RBFOX1: variants seen among roughly 807,000 people sequenced by gnomAD.
RBFOX1 encodes RNA binding fox-1 homolog 1.
In RBFOX1, 8 loss-of-function variants were observed where a neutral mutation model predicts 57.7. That is an observed-to-expected ratio of 0.14 (90% confidence interval 0.08 to 0.25). RBFOX1 has a LOEUF of 0.25. RBFOX1 is among the 10% of genes least tolerant of loss of function. The pLI is 1.00. For missense variants in RBFOX1, 611 were observed against 548.5 expected, an observed-to-expected ratio of 1.11 and a Z score of -1.14; for synonymous variants, 326 against 222.4, an observed-to-expected ratio of 1.47 and a Z score of -4.15.
At chr16:7,281,273 G>A (rs990574885) in intron 4 of RBFOX1, among the ~76,000 whole-genome samples, 4 of 151,736 alleles carry the variant, frequency 2.6e-5, no homozygotes, top group African/African-American at 9.7e-5. Context: ...ACAGTGTTGG[G>A]ACTACAGGCG....
At chr16:7,262,868 G>C (rs539295265) in intron 4 of RBFOX1, among the ~76,000 whole-genome samples, 3 of 152,374 alleles carry the variant, frequency 2.0e-5, no homozygotes, top group Non-Finnish European at 2.9e-5. Context: ...GATAGGACAA[G>C]AGAGAAAACT....
chr16:6,221,832 A>T (rs1196888086), intron 1 of RBFOX1, among the ~76,000 whole-genome samples: 3 of 152,272 alleles, frequency 2.0e-5, no homozygotes, highest in South Asian at 4.1e-4. Context: ...AGTATGGGGG[A>T]AACTGCCCCC....
chr16:6,238,329 A>T (rs2097522383), intron 1 of RBFOX1, among the ~76,000 whole-genome samples: 1 of 152,114 alleles, frequency 6.6e-6, no homozygotes, highest in Admixed American at 6.6e-5. Flanking sequence ...TTTGCCCTTA[A>T]TCCAGGAACC....
chr16:5,945,393 G>A (rs2059381213), intron 4 of RBFOX1, among the ~76,000 whole-genome samples: 1 of 152,200 alleles, frequency 6.6e-6, no homozygotes, highest in Non-Finnish European at 1.5e-5. Flanking sequence ...ATGGTATTCT[G>A]CTGCTGCTGG....
intron 4 of RBFOX1, among the ~76,000 whole-genome samples, chr16:7,082,919 G>T (rs2059421618): frequency 6.6e-6 from 1 of 152,156 alleles, no homozygotes; most frequent in South Asian, 2.1e-4. Flanking sequence ...TTGACAACAA[G>T]AGTTGTAAAT....
chr16:7,320,078 A>C (rs2096518387), intron 4 of RBFOX1, among the ~76,000 whole-genome samples: 1 of 152,170 alleles, frequency 6.6e-6, no homozygotes, highest in African/African-American at 2.4e-5. Context: ...TAAAAAAATT[A>C]ATTTTATTGT....
intron 3 of RBFOX1, among the ~76,000 whole-genome samples, chr16:5,777,874 A>G (rs2054196968): frequency 6.6e-6 from 1 of 152,244 alleles, no homozygotes; most frequent in Non-Finnish European, 1.5e-5. Context: ...AACCACGATC[A>G]TAAGTAGGCA....
chr16:7,567,471 ATCCCTATGTATG>A (rs2092094708), intron 5 of RBFOX1, among the ~76,000 whole-genome samples: 4 of 54,520 alleles, frequency 7.3e-5, no homozygotes, highest in Non-Finnish European at 1.8e-4. Context: ...CTATATATAT[ATCCCTATGTATG>A]GCCCTATATG....
intron 2 of RBFOX1, among the ~76,000 whole-genome samples, chr16:5,472,609 A>C (rs1156564368): frequency 6.6e-6 from 1 of 152,116 alleles, no homozygotes; most frequent in Non-Finnish European, 1.5e-5. Flanking sequence ...ATTATTTCTT[A>C]GAGTGATTTC....
In RBFOX1 at chr16:5,486,630, C is replaced by T. The variant is rs529985410; in HGVS notation, c.258+19376C>T. On this transcript the variant is annotated intron_variant, in intron 2 of 2. Transcript: ENST00000585867. ...ACATGCCAGAACATCTCTTTCTTCC[C>T]CCATTAGCTTGACTTGTCCATCAGG... 1.3e-3 allele frequency among the ~76,000 whole-genome samples: 192 copies of T among 152,208 alleles called. 1 individual carries two copies. Among genetic ancestry groups the T allele is most frequent in the African/African-American group, 4.5e-3 (186 of 41,522 alleles).
rs2083957798 is a variant in RBFOX1, at chr16:7,711,223, GA to G, written c.*481del. The stretch of plus-strand genomic sequence containing the variant: ...AGGGGATTGGAACTGGGGTTTGGCT[GA>G]AAGAAAAAAAAAAAAATGTAACTGA... On this transcript the variant is annotated 3_prime_UTR_variant, in exon 16 of 16. Coordinates refer to ENST00000550418, the MANE Select transcript of RBFOX1 (RefSeq NM_018723.4). 8.8e-6 allele frequency: 1 copy of G among 113,108 alleles called. No homozygotes were observed. The highest frequency in any genetic ancestry group is 2.0e-5 in the Non-Finnish European group (1 of 50,460). 7.0% of individuals were successfully genotyped at this position (113,108 alleles called of 1,614,324 possible).
At chr16:7,454,748 C>A (rs890711802) in intron 4 of RBFOX1, among the ~76,000 whole-genome samples, 1 of 152,190 alleles carries the variant, frequency 6.6e-6, no homozygotes, top group African/African-American at 2.4e-5. Flanking sequence ...TACATTTCTA[C>A]CATGAACATG....
intron 3 of RBFOX1, among the ~76,000 whole-genome samples, chr16:6,751,771 C>G (rs1321393585): frequency 6.6e-6 from 1 of 152,078 alleles, no homozygotes; most frequent in African/African-American, 2.4e-5. Context: ...CCCCTGTGGT[C>G]TTATGAAGAA....
chr16:7,645,341 G>T (rs958263954), intron 11 of RBFOX1, among the ~76,000 whole-genome samples: 1 of 152,138 alleles, frequency 6.6e-6, no homozygotes, highest in African/African-American at 2.4e-5. Flanking sequence ...ATGTCAATTT[G>T]CTGCAAGGTA....
intron 2 of RBFOX1, among the ~76,000 whole-genome samples, chr16:6,594,959 TTG>T (rs2097762487): frequency 6.6e-6 from 1 of 152,060 alleles, no homozygotes; most frequent in Non-Finnish European, 1.5e-5. Context: ...GGGCTAATTT[TTG>T]TGTTTATAGC....
intron 2 of RBFOX1, among the ~76,000 whole-genome samples, chr16:6,526,141 A>G (rs186747820): frequency 6.6e-6 from 1 of 152,318 alleles, no homozygotes; most frequent in East Asian, 1.9e-4. Flanking sequence ...TTGAAATGCA[A>G]TTCAATAAAC....
chr16:6,936,557 T>C (rs2077393866), intron 3 of RBFOX1, among the ~76,000 whole-genome samples: 1 of 152,174 alleles, frequency 6.6e-6, no homozygotes, highest in Non-Finnish European at 1.5e-5. Context: ...GCTACATTTT[T>C]TTCATTGCTT....
At chr16:7,386,737 A>G (rs994546633) in intron 4 of RBFOX1, among the ~76,000 whole-genome samples, 4 of 152,186 alleles carry the variant, frequency 2.6e-5, no homozygotes, top group Non-Finnish European at 5.9e-5. Context: ...CTTTGGGTAT[A>G]TATCCAGTAA....
chr16:6,727,131 T>TAC (rs1474019095), intron 3 of RBFOX1, among the ~76,000 whole-genome samples: 1 of 148,490 alleles, frequency 6.7e-6, no homozygotes, highest in Admixed American at 6.7e-5. Context: ...TGTGTATATA[T>TAC]AAAACATGTA....
Sources: gnomAD v4.1 joint callset for allele counts (sites outside exome capture counted in the v4.1 genomes callset) on GRCh38, gnomAD v4.1.1 for gene constraint, MANE v1.5 for transcripts, NCBI Gene and HGNC (gene_info 2026-07-23, HGNC 2026-07-21) for gene names.